CHD9: variants seen among roughly 807,000 people sequenced by gnomAD.
CHD9 encodes chromodomain helicase DNA binding protein 9.
Under a neutral mutation model 316.1 loss-of-function variants are expected in CHD9, and 77 were observed. The observed-to-expected ratio is 0.24, with a 90% CI of 0.20 to 0.29. The LOEUF is 0.29. Among genes scored for constraint, CHD9 ranks in the 10% least tolerant of loss-of-function variants. The pLI, the probability that CHD9 is intolerant of heterozygous loss-of-function variation, is 1.00. For missense variants in CHD9, 2,763 were observed against 3,438.1 expected (o/e 0.80, Z 4.91); for synonymous variants, 1,129 against 1,158.3 (o/e 0.97, Z 0.51).
chr16:53,075,307 T>C (rs2034429414), intron 1 of CHD9, among the ~76,000 whole-genome samples: 1 of 152,184 alleles, frequency 6.6e-6, no homozygotes, highest in Admixed American at 6.5e-5. Context: ...CTGCCTTGTC[T>C]CAGAAGAGAC....
At chr16:53,288,386 T>A (rs570110346) in intron 27 of CHD9, among the ~76,000 whole-genome samples, 1 of 152,288 alleles carries the variant, frequency 6.6e-6, no homozygotes, top group South Asian at 2.1e-4. Context: ...AGGTTTGAGA[T>A]AGAGGGTAGA....
chr16:53,231,007 A>G (rs2048125564), intron 8 of CHD9, among the ~76,000 whole-genome samples: 1 of 152,202 alleles, frequency 6.6e-6, no homozygotes, highest in Non-Finnish European at 1.5e-5. Context: ...GTACCTCAGT[A>G]AAGTTTGCAG....
intron 1 of CHD9, among the ~76,000 whole-genome samples, chr16:53,084,557 A>G (rs562099202): frequency 6.6e-6 from 1 of 152,218 alleles, no homozygotes; most frequent in African/African-American, 2.4e-5. Flanking sequence ...ATCCTGGCCA[A>G]TATGGTGAAA....
rs932050118 is a variant in CHD9 at position 53,165,514 on chromosome 16, A to T, written c.1452+7973A>T. Among the ~76,000 whole-genome samples, 4 of 152,288 alleles carry T rather than the reference A, an allele frequency of 2.6e-5. No homozygotes were observed. The South Asian group carries it at 8.3e-4, about 32-fold the overall frequency. On this transcript the variant is annotated intron_variant, in intron 2 of 38. Coordinates refer to ENST00000447540, the MANE Select transcript of CHD9 (RefSeq NM_001308319.2). ...TGGTGGTGGTAGAATGCTCTGTTAG[A>T]ACAAGATGAAAATAATTTTAAAGGG...
At chr16:53,178,012 G>A (rs544097380) in intron 2 of CHD9, among the ~76,000 whole-genome samples, 2 of 152,310 alleles carry the variant, frequency 1.3e-5, no homozygotes, top group Admixed American at 1.3e-4. Flanking sequence ...CATACTGGCA[G>A]TAAAGTTCAT....
chr16:53,158,924 ACT>A (rs1207711526), intron 2 of CHD9, among the ~76,000 whole-genome samples: 1 of 152,110 alleles, frequency 6.6e-6, no homozygotes. Flanking sequence ...GACGTGAGAC[ACT>A]CTGCCCAGTC....
chr16:53,144,531 ATT>A (rs879522585), intron 1 of CHD9, among the ~76,000 whole-genome samples: 8 of 144,478 alleles, frequency 5.5e-5, no homozygotes, highest in Non-Finnish European at 4.6e-5. Flanking sequence ...CTGTCTACAA[ATT>A]TTTTTTTTTT....
chr16:53,307,513 CAAAT>C (rs1158903210), intron 32 of CHD9, among the ~76,000 whole-genome samples, 164 bp from the exon 33 acceptor site: 2 of 152,082 alleles, frequency 1.3e-5, no homozygotes, highest in African/African-American at 2.4e-5. Flanking sequence ...AATCTGTACT[CAAAT>C]AACTTGTTGC....
intron 10 of CHD9, among the ~76,000 whole-genome samples, chr16:53,232,641 T>C (rs1285915926): frequency 6.6e-6 from 1 of 152,190 alleles, no homozygotes; most frequent in Non-Finnish European, 1.5e-5. Context: ...AATGAAATTT[T>C]TCCCTGACCC....
chr16:53,086,458 A>T (rs1043282120), intron 1 of CHD9, among the ~76,000 whole-genome samples: 1 of 152,138 alleles, frequency 6.6e-6, no homozygotes, highest in South Asian at 2.1e-4. Context: ...GCCCCTGCCA[A>T]ACAGAGGCTG....
At chr16:53,235,061 A>G in intron 10 of CHD9, 124 bp from the exon 11 acceptor site, 2 of 623,428 alleles carry the variant, frequency 3.2e-6, no homozygotes, top group Non-Finnish European at 5.1e-6. Context: ...AATGTTAGGT[A>G]AAAGTTAATC....
intron 1 of CHD9, among the ~76,000 whole-genome samples, chr16:53,127,576 CTG>C (rs1210948269): frequency 6.6e-6 from 1 of 152,048 alleles, no homozygotes; most frequent in Non-Finnish European, 1.5e-5. Context: ...CACTCAATGA[CTG>C]TGTAACCAGG....
At chr16:53,321,916 T>C (rs906873555) in intron 38 of CHD9, among the ~76,000 whole-genome samples, 7 of 152,010 alleles carry the variant, frequency 4.6e-5, no homozygotes, top group African/African-American at 7.2e-5. Flanking sequence ...ATATTCATCA[T>C]GATATACTAG....
At chr16:53,148,069 T>C (rs1289701676) in intron 1 of CHD9, among the ~76,000 whole-genome samples, 1 of 151,426 alleles carries the variant, frequency 6.6e-6, no homozygotes, top group African/African-American at 2.4e-5. Flanking sequence ...TACCCGGGCA[T>C]GGTGGTGGGC....
chr16:53,241,939 T>C (rs1220260452), intron 12 of CHD9, among the ~76,000 whole-genome samples: 1 of 152,196 alleles, frequency 6.6e-6, no homozygotes, highest in Non-Finnish European at 1.5e-5. Context: ...ATCACAGTTT[T>C]CAAGTCCCGC....
chr16:53,162,142 T>C (rs2041958431), intron 2 of CHD9, among the ~76,000 whole-genome samples: 1 of 152,198 alleles, frequency 6.6e-6, no homozygotes. Flanking sequence ...GTGTCAATTG[T>C]TAACAACAGT....
At chr16:53,204,956 G>A (rs1050267630) in intron 2 of CHD9, among the ~76,000 whole-genome samples, 1 of 152,058 alleles carries the variant, frequency 6.6e-6, no homozygotes. Context: ...CGATTCTCCT[G>A]CCTCAGCCCC....
intron 37 of CHD9, 163 bp from the exon 38 acceptor site, chr16:53,321,363 A>C: frequency 5.0e-6 from 7 of 1,397,500 alleles, no homozygotes; most frequent in Non-Finnish European, 6.5e-6. Context: ...TCAGTAGTCC[A>C]TAGGGTCACG....
At chr16:53,218,421 T>C (rs943505023) in intron 3 of CHD9, among the ~76,000 whole-genome samples, 4 of 152,142 alleles carry the variant, frequency 2.6e-5, no homozygotes, top group Admixed American at 6.5e-5. Flanking sequence ...AAAGGGCAAG[T>C]GTTTAAGATT....
Sources: allele counts gnomAD v4.1 joint callset (sites outside exome capture counted in the v4.1 genomes callset), GRCh38; gene constraint gnomAD v4.1.1; transcripts MANE v1.5; gene names NCBI Gene and HGNC (gene_info 2026-07-23, HGNC 2026-07-21).